Variants in TAF6 observed in about 807,000 individuals in gnomAD.
TAF6 encodes TATA-box binding protein associated factor 6, also known as transcription initiation factor TFIID subunit 6.
Under a neutral mutation model 73.5 loss-of-function variants are expected in TAF6, and 50 were observed. That is an observed-to-expected ratio of 0.68 (90% CI 0.54 to 0.86). TAF6 has a LOEUF of 0.86. Among genes scored for constraint, TAF6 ranks in the 40% least tolerant of loss-of-function variants. The pLI, the probability that TAF6 is intolerant of heterozygous loss-of-function variation, is 0.00. For synonymous variants in TAF6, 424 were observed against 376.7 expected (o/e 1.13, Z -1.45); for missense variants, 768 against 899.5 (o/e 0.85, Z 1.87).
chr7:100,119,643 C>T (rs1459642734), upstream of TAF6: 4 of 1,604,048 alleles, frequency 2.5e-6, no homozygotes, highest in African/African-American at 1.3e-5. Flanking sequence ...CCTTCCTCGG[C>T]TGGATTTAAG....
At chr7:100,120,092 C>G (rs1001909220), upstream of TAF6, 2 of 442,812 alleles carry the variant, frequency 4.5e-6, no homozygotes, top group Non-Finnish European at 8.0e-6. Flanking sequence ...GAACCCCCCG[C>G]CCGCCAATGG....
At position 100,107,462 on chromosome 7, in the gene TAF6, G is replaced by A. The variant is rs1387842560; in HGVS notation, c.1818C>T (p.Tyr606=). Residue 606 remains tyrosine, a synonymous_variant, in exon 15 of 15, where the codon TAC becomes TAT. Transcript: ENST00000453269. The stretch of plus-strand genomic sequence containing the variant: ...CTGTTGGGGGAAGTGAGACCACGAT[G>A]TACTTCTGGACACTCCCAGGACCAG... ...APSGPGSVQK[Y]IVVSLPPTGE... 1.2e-6 allele frequency: 2 copies of A among 1,613,406 alleles called. No individual in the cohort carries two copies. The highest frequency in any genetic ancestry group is 1.7e-6 in the Non-Finnish European group (2 of 1,179,528).
the TAF6 span, among the ~76,000 whole-genome samples, chr7:100,126,110 C>T: frequency 6.6e-6 from 1 of 152,086 alleles, no homozygotes; most frequent in Non-Finnish European, 1.5e-5. Context: ...GGCGGGAACC[C>T]GGGAGGCGGA....
chr7:100,121,974 C>T, upstream of TAF6: 1 of 316,180 alleles, frequency 3.2e-6, no homozygotes, highest in East Asian at 8.7e-5. Flanking sequence ...GGCGTGAACC[C>T]AGGAGGCGGA....
At chr7:100,113,548 T>C in intron 4 of TAF6, 68 bp downstream of exon 4, 3 of 1,566,840 alleles carry the variant, frequency 1.9e-6, no homozygotes, top group Middle Eastern at 1.7e-4. Flanking sequence ...ATTGTGAGGC[T>C]CCTCACACCT....
At chr7:100,113,462 C>A in intron 4 of TAF6, 57 bp from the exon 5 acceptor site, 2 of 1,532,904 alleles carry the variant, frequency 1.3e-6, no homozygotes, top group Non-Finnish European at 1.8e-6. Flanking sequence ...GGGGAGTTGC[C>A]CCATGCTATG....
At chr7:100,121,109 T>TATATATATATATAC (rs1407495343), upstream of TAF6, 4 of 25,948 alleles carry the variant, frequency 1.5e-4, no homozygotes, top group Non-Finnish European at 3.7e-4. Flanking sequence ...TATATATATA[T>TATATATATATATAC]ATATATATTT....
chr7:100,109,694 A>G (rs554678508), intron 12 of TAF6, among the ~76,000 whole-genome samples: 1 of 151,156 alleles, frequency 6.6e-6, no homozygotes, highest in Non-Finnish European at 1.5e-5. Context: ...GGATCTCGCT[A>G]CGTTGTCCAG....
Position 100,113,272 on chromosome 7 carries a change from G to C in TAF6, c.454+77C>G, listed in dbSNP as rs1352116444. The C allele has an allele frequency of 3.7e-6, 5 of 1,347,184 alleles. No homozygotes were observed. In the Admixed American group the frequency reaches 1.2e-4, roughly 32 times the overall value. 83.5% of individuals were successfully genotyped at this position (1,347,184 alleles called of 1,614,324 possible). A position where few individuals can be genotyped will look rare whatever the true frequency, so the allele number is the denominator to read the frequency against. Reference sequence around the variant, plus strand: ...CACTCCAGCACAGGCAACAGAGTGAGACTCTGTCTCAAAAAAAAAAGGTGG... The same window carrying C: ...CACTCCAGCACAGGCAACAGAGTGACACTCTGTCTCAAAAAAAAAAGGTGG... On this transcript the variant is annotated intron_variant, in intron 5 of 14. Transcript: ENST00000453269.
the TAF6 span, chr7:100,127,133 C>T: frequency 1.2e-5 from 6 of 515,854 alleles, no homozygotes; most frequent in Admixed American, 2.2e-4. This position sits in a 1 kb window ranked among gnomAD's most constrained non-coding sequence, Gnocchi z 4.6. Context: ...CGGGCAAGGA[C>T]GTACGTACCG....
At chr7:100,122,746 TG>T, upstream of TAF6, 3 of 1,592,002 alleles carry the variant, frequency 1.9e-6, no homozygotes, top group East Asian at 2.2e-5. Flanking sequence ...AGGGGTGGGG[TG>T]GTGAGCTGGG....
chr7:100,120,160 C>T (rs1797988874), upstream of TAF6: 1 of 284,486 alleles, frequency 3.5e-6, no homozygotes, highest in South Asian at 5.1e-5. Flanking sequence ...TTTAGAGCAT[C>T]TTCAGTGAGT....
At chr7:100,117,325 G>C (rs1562934129) in intron 1 of TAF6, among the ~76,000 whole-genome samples, 1 of 146,354 alleles carries the variant, frequency 6.8e-6, no homozygotes, top group Non-Finnish European at 1.5e-5. Context: ...AGGCTGGAGA[G>C]CAATGGCGCG....
chr7:100,108,828 A>C (rs1796861318), intron 12 of TAF6: 1 of 278,256 alleles, frequency 3.6e-6, no homozygotes, highest in African/African-American at 2.2e-5. Flanking sequence ...TGAGGTCAAG[A>C]GCCTGGCCAA....
At chr7:100,123,289 C>T (rs948470925), upstream of TAF6, among the ~76,000 whole-genome samples, 2 of 151,746 alleles carry the variant, frequency 1.3e-5, no homozygotes, top group Non-Finnish European at 2.9e-5. Context: ...TTGCCATGAG[C>T]CAAGATCGCA....
In TAF6 at chr7:100,112,659, G is replaced by T. The variant is rs113701525; in HGVS notation, c.574+139C>A. The T allele has an allele frequency of 2.4e-6, 3 of 1,252,322 alleles. No individual in the cohort carries two copies. The African/African-American group carries it at 4.6e-5, about 19-fold the overall frequency. 77.6% of individuals were successfully genotyped at this position (1,252,322 alleles called of 1,614,324 possible). ...GAACCCTGGAGGTGGAGGTTGCAGT[G>T]AGCTGAGATCGTACCACTACACTCC... On this transcript the variant is annotated intron_variant, in intron 6 of 14. Coordinates refer to ENST00000453269, the MANE Select transcript of TAF6 (RefSeq NM_139315.3).
chr7:100,115,451 C>T (rs1292275479), intron 1 of TAF6: 3 of 152,042 alleles, frequency 2.0e-5, no homozygotes, highest in Non-Finnish European at 4.4e-5. Context: ...CACTTCAGGT[C>T]AGGAGTTCGA....
chr7:100,110,292 TAAACTA>T lies in TAF6; in HGVS notation c.1084-24_1084-19del. ...ACCCAGCTCTGTAAGGGGAAGGAAATAAACTAAGATGAAGGGGTCTGAAAGGATGAT... is the reference window on the plus strand; with the variant it reads ...ACCCAGCTCTGTAAGGGGAAGGAAATAGATGAAGGGGTCTGAAAGGATGAT... On this transcript the variant is annotated intron_variant, in intron 10 of 14. Coordinates refer to ENST00000453269, the MANE Select transcript of TAF6 (RefSeq NM_139315.3). 6.2e-7 allele frequency: 1 copy of T among 1,613,514 alleles called. No individual in the cohort carries two copies. The highest frequency in any genetic ancestry group is 8.5e-7 in the Non-Finnish European group (1 of 1,179,550).
chr7:100,122,402 C>T (rs780105615), upstream of TAF6: 4 of 1,613,932 alleles, frequency 2.5e-6, no homozygotes, highest in Non-Finnish European at 2.5e-6. Flanking sequence ...CCTTCGTGCT[C>T]CTCCCCTTTC....
Sources: gnomAD v4.1 joint callset for allele counts (sites outside exome capture counted in the v4.1 genomes callset) on GRCh38, gnomAD v4.1.1 for gene constraint, Gnocchi (gnomAD v3.1) non-coding constraint, MANE v1.5 for transcripts, NCBI Gene and HGNC (gene_info 2026-07-23, HGNC 2026-07-21) for gene names.